The following ZNF408 variants were observed in gnomAD, a reference collection of about 807,000 sequenced individuals.
The protein encoded by ZNF408 is zinc finger protein 408, also known as PR domain zinc finger protein 17.
A neutral mutation model predicts 27.6 loss-of-function variants in ZNF408; 24 were observed. The ratio of observed to expected loss-of-function variants is 0.87; its 90% CI spans 0.63 to 1.22. The LOEUF is 1.22. ZNF408 is among the 50% of genes most tolerant of loss of function. The probability of loss-of-function intolerance (pLI) is 0.00; values close to 1 mark genes in which losing one functional copy is unlikely to be tolerated. For synonymous variants in ZNF408, 410 were observed against 396.1 expected, an observed-to-expected ratio of 1.04 and a Z score of -0.42; for missense variants, 897 against 949.0, an observed-to-expected ratio of 0.95 and a Z score of 0.72.
At position 46,705,251 on chromosome 11, in the gene ZNF408, C is replaced by G; in HGVS notation, c.1551C>G (p.Leu517=). The G allele has an allele frequency of 6.2e-7, 1 of 1,612,108 alleles. No individual in the cohort carries two copies. The highest frequency in any genetic ancestry group is 1.1e-5 in the South Asian group (1 of 91,054). The change falls in exon 5 of 5, where the codon CTC becomes CTG. Residue 517 remains leucine (L), a synonymous_variant. Transcript: ENST00000311764. This position sits in a 1 kb window ranked among gnomAD's most constrained non-coding sequence, Gnocchi z 6.5. ...QRGNLRGHLR[L]HTGERPYRCP... is the part of the protein sequence containing the mutation. Reference sequence around the variant, plus strand: ...GCAACCTGCGTGGGCATTTGCGGCTCCACACCGGGGAGCGTCCTTACCGCT... The same window carrying G: ...GCAACCTGCGTGGGCATTTGCGGCTGCACACCGGGGAGCGTCCTTACCGCT...
At position 46,705,272 on chromosome 11, in the gene ZNF408, C is replaced by T; in HGVS notation, c.1572C>T (p.Tyr524=). ...HLRLHTGERP[Y]RCPHCADAFP... ...GGCTCCACACCGGGGAGCGTCCTTACCGCTGCCCACACTGTGCCGATGCCT... is the reference window on the plus strand; with the variant it reads ...GGCTCCACACCGGGGAGCGTCCTTATCGCTGCCCACACTGTGCCGATGCCT... Residue 524 remains tyrosine, a synonymous_variant, in exon 5 of 5, where the codon TAC becomes TAT. Coordinates refer to ENST00000311764, the MANE Select transcript of ZNF408 (RefSeq NM_024741.3). This position sits in a 1 kb window ranked among gnomAD's most constrained non-coding sequence, Gnocchi z 6.5. 5.6e-6 allele frequency: 9 copies of T among 1,612,272 alleles called. No individual in the cohort carries two copies. Among genetic ancestry groups the T allele is most frequent in the South Asian group, 1.1e-5 (1 of 91,082 alleles).
Position 46,704,957 on chromosome 11 carries a change from C to A in ZNF408, c.1257C>A (p.Gly419=), listed in dbSNP as rs539415740. Residue 419 remains glycine (G), a synonymous_variant, in exon 5 of 5, where the codon GGC becomes GGA. Coordinates refer to ENST00000311764, the MANE Select transcript of ZNF408 (RefSeq NM_024741.3). ...GTCCACAATGCGACAAGGCCTATGG[C>A]ACCCAGCGAGACCTCAAAGAGCACC... ...FPCPQCDKAY[G]TQRDLKEHQV... is the part of the protein sequence containing the mutation. The A allele has an allele frequency of 4.3e-6, 7 of 1,613,652 alleles. No homozygotes were observed. The African/African-American group carries it at 9.3e-5, about 21-fold the overall frequency.
At chr11:46,702,831 GCTGA>G in intron 3 of ZNF408, 66 bp downstream of exon 3, 4 of 1,605,130 alleles carry the variant, frequency 2.5e-6, no homozygotes, top group Non-Finnish European at 3.4e-6. Flanking sequence ...GGAACCCGGT[GCTGA>G]CTGTCATTTC....
chr11:46,701,667 G>T lies in ZNF408; in HGVS notation c.321G>T (p.Arg107=). The T allele has an allele frequency of 6.3e-7, 1 of 1,577,946 alleles. No individual in the cohort carries two copies. The highest frequency in any genetic ancestry group is 8.6e-7 in the Non-Finnish European group (1 of 1,158,776). The change falls in exon 2 of 5, where the codon CGG becomes CGT. Residue 107 remains arginine (R), a synonymous_variant. Transcript: ENST00000311764. ...AGAAGGGCGAGGGAGTAAAGCCACGGCAGGAGGAGGTATTGAAGGATAGAG... is the reference window on the plus strand; with the variant it reads ...AGAAGGGCGAGGGAGTAAAGCCACGTCAGGAGGAGGTATTGAAGGATAGAG... The part of the protein sequence containing the change: ...SKEKGEGVKP[R]QEENLSLGPW...
In ZNF408 at chr11:46,701,401, C is replaced by A. The variant is rs747726214; in HGVS notation, c.55C>A (p.Arg19Ser). 1 of 1,612,754 alleles carries A rather than the reference C, an allele frequency of 6.2e-7. No individual in the cohort carries two copies. The highest frequency in any genetic ancestry group is 2.2e-5 in the East Asian group (1 of 44,828). Residue 19 changes from arginine (R) to serine (S), a missense_variant and splice_region_variant, in exon 2 of 5, where the codon CGC (arginine) becomes AGC (serine). By Grantham distance (110) the Arg-to-Ser change is moderately radical. Transcript: ENST00000311764. ...ACTGTCTTCCCTTCTCTCTGCAGCC[C>A]GCGAGCCGCGCCTGGGCCTGGACTT... Reference protein sequence around the residue: ...LEGKKALQLAREPRLGLDLGW... With the variant: ...LEGKKALQLASEPRLGLDLGW...
chr11:46,701,666 G>A lies in ZNF408; in HGVS notation c.320G>A (p.Arg107Gln). 1.3e-6 allele frequency: 2 copies of A among 1,577,814 alleles called. No homozygotes were observed. The highest frequency in any genetic ancestry group is 1.7e-6 in the Non-Finnish European group (2 of 1,158,724). ...SKEKGEGVKP[R>Q]QEENLSLGPW... ...GAGAAGGGCGAGGGAGTAAAGCCAC[G>A]GCAGGAGGAGGTATTGAAGGATAGA... Residue 107 changes from arginine (R) to glutamine (Q), a missense_variant, in exon 2 of 5, where the codon CGG becomes CAG. Arg to Gln is a conservative substitution (Grantham distance 43, BLOSUM62 1). Transcript: ENST00000311764.
rs765289186 is a variant in ZNF408 at position 46,704,230 on chromosome 11, G to A, written c.653-123G>A. On this transcript the variant is annotated intron_variant, in intron 4 of 4. Transcript: ENST00000311764. ...CACCCCATGCTCCAGGGAAGAGATT[G>A]GTATCATTGCTCCCTCTAAGGCTCA... 2.2e-4 allele frequency: 221 copies of A among 986,222 alleles called. 1 individual carries two copies. Among genetic ancestry groups the A allele is most frequent in the Non-Finnish European group, 3.1e-4 (210 of 674,134 alleles). 61.1% of individuals were successfully genotyped at this position (986,222 alleles called of 1,614,324 possible).
chr11:46,705,062 G>T lies in ZNF408; in HGVS notation c.1362G>T (p.Leu454=), dbSNP rs150894525. 761 of 1,612,810 alleles carry T rather than the reference G, an allele frequency of 4.7e-4. No homozygotes were observed. Among genetic ancestry groups the T allele is most frequent in the Non-Finnish European group, 5.9e-4 (694 of 1,179,972 alleles). ...KAFARRPSLR[L]HRKTHQVPAA... ...TTGCCCGCCGGCCCTCCCTGCGGCTGCATCGCAAGACCCACCAGGTGCCAG... is the reference window on the plus strand; with the variant it reads ...TTGCCCGCCGGCCCTCCCTGCGGCTTCATCGCAAGACCCACCAGGTGCCAG... Residue 454 remains leucine (L), a synonymous_variant, in exon 5 of 5, where the codon CTG becomes CTT. Transcript: ENST00000311764. The surrounding 1 kb of genome is among the most constrained non-coding windows in gnomAD (Gnocchi z 6.5).
At chr11:46,701,299 G>A (rs1307660168) in intron 1 of ZNF408, 100 bp from the exon 2 acceptor site, 1 of 1,569,542 alleles carries the variant, frequency 6.4e-7, no homozygotes, top group African/African-American at 1.4e-5. Flanking sequence ...CTGTCCCTCG[G>A]GCTCCGCAGG....
chr11:46,701,137 C>G (rs1041179706), intron 1 of ZNF408, 38 bp downstream of exon 1: 12 of 1,613,816 alleles, frequency 7.4e-6, no homozygotes, highest in Non-Finnish European at 9.3e-6. Context: ...TCAACCTTGG[C>G]CCAGGTGGAT....
rs558763054 is a variant in ZNF408, at chr11:46,703,331, C to T, written c.652+88C>T. 2.7e-5 allele frequency: 39 copies of T among 1,463,188 alleles called. No homozygotes were observed. The Admixed American group carries it at 4.7e-4, about 18-fold the overall frequency. The allele number at this position is 1,463,188 out of a possible 1,614,324, so 90.6% of individuals were successfully genotyped here. A position where few individuals can be genotyped will look rare whatever the true frequency, so the allele number is the denominator to read the frequency against. ...ACAAAGCAGAGTTTATGGCTCATTG[C>T]GGTAAGGAAGGACACTATAGAGTCT... On this transcript the variant is annotated intron_variant, in intron 4 of 4. Coordinates refer to ENST00000311764, the MANE Select transcript of ZNF408 (RefSeq NM_024741.3).
intron 4 of ZNF408, 148 bp from the exon 5 acceptor site, chr11:46,704,205 C>T (rs2064732779): frequency 1.3e-6 from 1 of 797,288 alleles, no homozygotes; most frequent in Non-Finnish European, 1.9e-6. Flanking sequence ...ATGGAGTGTG[C>T]ACCCCATGCT....
At position 46,701,408 on chromosome 11, in the gene ZNF408, C is replaced by G; in HGVS notation, c.62C>G (p.Pro21Arg). The change falls in exon 2 of 5, where the codon CCG (proline) becomes CGG (arginine). Residue 21 changes from proline (P) to arginine (R), a missense_variant. Transcript: ENST00000311764. ...TCCCTTCTCTCTGCAGCCCGCGAGC[C>G]GCGCCTGGGCCTGGACTTAGGATGG... ...GKKALQLAREPRLGLDLGWNP... is the reference protein window; with the variant it reads ...GKKALQLARERRLGLDLGWNP... The G allele has an allele frequency of 6.2e-7, 1 of 1,612,930 alleles. No individual in the cohort carries two copies. Among genetic ancestry groups the G allele is most frequent in the Non-Finnish European group, 8.5e-7 (1 of 1,179,174 alleles).
intron 2 of ZNF408, among the ~76,000 whole-genome samples, chr11:46,702,220 GA>G (rs1219800870): frequency 2.0e-5 from 3 of 152,044 alleles, no homozygotes; most frequent in Admixed American, 2.0e-4. Flanking sequence ...TCAGCCTCCC[GA>G]GTAGCTGGGA....
Position 46,704,774 on chromosome 11 carries a change from T to C in ZNF408, c.1074T>C (p.Cys358=). 6.3e-7 allele frequency: 1 copy of C among 1,596,444 alleles called. No homozygotes were observed. Among genetic ancestry groups the C allele is most frequent in the Non-Finnish European group, 8.5e-7 (1 of 1,171,054 alleles). ...KQGRRYRCGE[C]GKAFLQLCHL... is the part of the protein sequence containing the mutation. Reference sequence around the variant, plus strand: ...GGCGACGGTACCGGTGTGGAGAGTGTGGCAAGGCATTCCTACAGCTGTGCC... The same window carrying C: ...GGCGACGGTACCGGTGTGGAGAGTGCGGCAAGGCATTCCTACAGCTGTGCC... The change falls in exon 5 of 5, where the codon TGT becomes TGC. Residue 358 remains cysteine, a synonymous_variant. Coordinates refer to ENST00000311764, the MANE Select transcript of ZNF408 (RefSeq NM_024741.3).
In ZNF408 at chr11:46,704,911, G is replaced by T; in HGVS notation, c.1211G>T (p.Arg404Leu). 6.2e-7 allele frequency: 1 copy of T among 1,612,990 alleles called. No individual in the cohort carries two copies. The highest frequency in any genetic ancestry group is 8.5e-7 in the Non-Finnish European group (1 of 1,179,758). ...TTCAAAGCCCATATGCTGGGCCACC[G>T]TGGGGTGCGGCCCTTCCCCTGTCCA... is the stretch of plus-strand genomic sequence containing the variant. Reference protein sequence around the residue: ...ESFKAHMLGHRGVRPFPCPQC... With the variant: ...ESFKAHMLGHLGVRPFPCPQC... Residue 404 changes from arginine (R) to leucine (L), a missense_variant, in exon 5 of 5, where the codon CGT (arginine) becomes CTT (leucine). Physicochemically the swap from Arg to Leu is moderately radical, Grantham distance 102 (BLOSUM62 -2). Coordinates refer to ENST00000311764, the MANE Select transcript of ZNF408 (RefSeq NM_024741.3).
At chr11:46,703,351 G>C (rs777481777) in intron 4 of ZNF408, 108 bp downstream of exon 4, 24 of 1,372,848 alleles carry the variant, frequency 1.7e-5, no homozygotes, top group African/African-American at 1.5e-5. Flanking sequence ...GGACACTATA[G>C]AGTCTTAGTA....
Position 46,705,710 on chromosome 11 carries a change from C to T in ZNF408, c.2010C>T (p.Ala670=), listed in dbSNP as rs1024102545. 1 of 1,613,472 alleles carries T rather than the reference C, an allele frequency of 6.2e-7. No individual in the cohort carries two copies. The highest frequency in any genetic ancestry group is 8.5e-7 in the Non-Finnish European group (1 of 1,179,780). The stretch of plus-strand genomic sequence containing the variant: ...ACAGAGAGGAGGAAGTCTCCCCCGC[C>T]AGGGATGTTGTTGAGGTCACCATTT... ...DTHREEEVSP[A]RDVVEVTISE... Residue 670 remains alanine (A), a synonymous_variant, in exon 5 of 5, where the codon GCC becomes GCT. Coordinates refer to ENST00000311764, the MANE Select transcript of ZNF408 (RefSeq NM_024741.3). The surrounding 1 kb of genome is among the most constrained non-coding windows in gnomAD (Gnocchi z 6.5).
Position 46,703,134 on chromosome 11 carries a change from C to A in ZNF408, c.543C>A (p.Thr181=). Reference sequence around the variant, plus strand: ...CTTCCTCTGAGGGCCCAAGTCTCACCCAGCCTGGGCTGGACAAAGAGGCAG... The same window carrying A: ...CTTCCTCTGAGGGCCCAAGTCTCACACAGCCTGGGCTGGACAAAGAGGCAG... The part of the protein sequence containing the change: ...PQPSSEGPSL[T]QPGLDKEAAV... The change falls in exon 4 of 5, where the codon ACC becomes ACA. Residue 181 remains threonine, a synonymous_variant. Coordinates refer to ENST00000311764, the MANE Select transcript of ZNF408 (RefSeq NM_024741.3). 6.2e-7 allele frequency: 1 copy of A among 1,612,064 alleles called. No homozygotes were observed. The highest frequency in any genetic ancestry group is 2.2e-5 in the East Asian group (1 of 44,778).
Sources: allele counts gnomAD v4.1 joint callset (sites outside exome capture counted in the v4.1 genomes callset), GRCh38; gene constraint gnomAD v4.1.1; non-coding constraint Gnocchi (gnomAD v3.1); transcripts MANE v1.5; gene names NCBI Gene and HGNC (gene_info 2026-07-23, HGNC 2026-07-21).